SRGN: variants seen among roughly 807,000 people sequenced by gnomAD.
SRGN encodes serglycin, also known as hematopoetic proteoglycan core peptide.
In SRGN, 2 loss-of-function variants were observed where a neutral mutation model predicts 9.5. The observed-to-expected ratio is 0.21, with a 90% CI of 0.09 to 0.66. SRGN has a LOEUF of 0.66. SRGN is among the 30% of genes least tolerant of loss of function. The pLI is 0.83. For synonymous variants in SRGN, 59 were observed against 72.3 expected (o/e 0.82, Z 0.93); for missense variants, 170 against 192.4 (o/e 0.88, Z 0.69).
At chr10:69,094,383 GTGTTTAA>G (rs1228172091) in intron 1 of SRGN, among the ~76,000 whole-genome samples, 2 of 152,078 alleles carry the variant, frequency 1.3e-5, no homozygotes, top group Non-Finnish European at 2.9e-5. Flanking sequence ...CTATATTAAA[GTGTTTAA>G]TGTTTATGTT....
Position 69,104,331 on chromosome 10 carries a change from G to T in SRGN, c.*211G>T. ...TATTTTATTGTTCTTGAAAATACCT[G>T]CATTTTTTGGTATCATGTTCAACCA... is the stretch of plus-strand genomic sequence containing the variant. On this transcript the variant is annotated 3_prime_UTR_variant, in exon 3 of 3. Coordinates refer to ENST00000242465, the MANE Select transcript of SRGN (RefSeq NM_002727.4). 2.2e-6 allele frequency: 1 copy of T among 464,886 alleles called. No individual in the cohort carries two copies. The highest frequency in any genetic ancestry group is 3.4e-6 in the Non-Finnish European group (1 of 293,544). 28.8% of individuals were successfully genotyped at this position (464,886 alleles called of 1,614,324 possible).
At chr10:69,090,205 G>A (rs2132152023) in intron 1 of SRGN, among the ~76,000 whole-genome samples, 1 of 152,302 alleles carries the variant, frequency 6.6e-6, no homozygotes. Flanking sequence ...GAAGAGTCGT[G>A]ACACCATTTC....
chr10:69,088,267 T>C, intron 1 of SRGN, 31 bp downstream of exon 1: 3 of 1,571,636 alleles, frequency 1.9e-6, no homozygotes, highest in Non-Finnish European at 2.6e-6. Context: ...TCCCCAGCCA[T>C]CTTCTCTGTA....
chr10:69,102,328 A>G (rs75115665), intron 2 of SRGN, among the ~76,000 whole-genome samples: 3 of 152,114 alleles, frequency 2.0e-5, no homozygotes, highest in Non-Finnish European at 4.4e-5. Flanking sequence ...TCCCTATTAC[A>G]TTGGTCAATT....
At chr10:69,100,973 C>T (rs1265708759) in intron 2 of SRGN, among the ~76,000 whole-genome samples, 41 of 134,840 alleles carry the variant, frequency 3.0e-4, no homozygotes, top group Non-Finnish European at 4.4e-4. Flanking sequence ...GTATTTTTTT[C>T]TTTCTTTCTT....
chr10:69,102,942 T>C (rs983641717), intron 2 of SRGN, among the ~76,000 whole-genome samples: 15 of 151,916 alleles, frequency 9.9e-5, no homozygotes, highest in Admixed American at 9.2e-4. Flanking sequence ...TTGTCCTTTC[T>C]TTTTTTTGGT....
intron 1 of SRGN, among the ~76,000 whole-genome samples, chr10:69,093,476 C>T (rs1429567809): frequency 5.3e-5 from 8 of 152,188 alleles, no homozygotes; most frequent in African/African-American, 1.7e-4. Context: ...GAAGACACCG[C>T]CCTCTGCTGG....
chr10:69,097,444 T>TTTTTTTTTTA (rs1840199408), intron 2 of SRGN, among the ~76,000 whole-genome samples: 1 of 146,730 alleles, frequency 6.8e-6, no homozygotes, highest in Non-Finnish European at 1.5e-5. Flanking sequence ...TTTTTTTTTT[T>TTTTTTTTTTA]GAGACGGAGT....
chr10:69,093,454 A>G (rs772836605), intron 1 of SRGN, among the ~76,000 whole-genome samples: 1 of 152,232 alleles, frequency 6.6e-6, no homozygotes, highest in Non-Finnish European at 1.5e-5. Flanking sequence ...TGGTCTAGAC[A>G]GTACAAGGTG....
intron 1 of SRGN, among the ~76,000 whole-genome samples, chr10:69,091,879 CA>C (rs1177012248): frequency 8.7e-3 from 276 of 31,724 alleles, no homozygotes; most frequent in African/African-American, 0.051. Context: ...GACTCTGTCT[CA>C]AAAAAAAAAA....
intron 1 of SRGN, among the ~76,000 whole-genome samples, chr10:69,089,193 C>T (rs753401254): frequency 1.3e-5 from 2 of 152,150 alleles, no homozygotes; most frequent in Admixed American, 6.6e-5. Flanking sequence ...TACAGATGAT[C>T]GCAGAGACAT....
chr10:69,091,903 A>AAAAAAG (rs1417115801), intron 1 of SRGN, among the ~76,000 whole-genome samples: 1 of 92,144 alleles, frequency 1.1e-5, no homozygotes, highest in Non-Finnish European at 3.0e-5. Context: ...AAAAAAAAAA[A>AAAAAAG]AAAAAGAAAA....
chr10:69,100,990 T>TTCC (rs1783356016), intron 2 of SRGN, among the ~76,000 whole-genome samples: 1 of 149,240 alleles, frequency 6.7e-6, no homozygotes, highest in South Asian at 2.1e-4. Flanking sequence ...TCTTTCTTTT[T>TTCC]TTTTTTTTTT....
intron 1 of SRGN, among the ~76,000 whole-genome samples, chr10:69,088,562 A>T (rs749067231): frequency 6.6e-6 from 1 of 152,170 alleles, no homozygotes; most frequent in Non-Finnish European, 1.5e-5. Context: ...CATGGAGGAG[A>T]TGGCACCTTT....
chr10:69,088,251 T>A lies in SRGN; in HGVS notation c.79+15T>A. On this transcript the variant is annotated intron_variant, in intron 1 of 2. Transcript: ENST00000242465. Reference sequence around the variant, plus strand: ...CTCAGTTCAAGGTAAGACTCAGGAGTCTTGTTCCCCAGCCATCTTCTCTGT... The same window carrying A: ...CTCAGTTCAAGGTAAGACTCAGGAGACTTGTTCCCCAGCCATCTTCTCTGT... The A allele has an allele frequency of 6.2e-7, 1 of 1,610,310 alleles. No homozygotes were observed. The highest frequency in any genetic ancestry group is 8.5e-7 in the Non-Finnish European group (1 of 1,176,584).
At chr10:69,099,278 T>C (rs1840240024) in intron 2 of SRGN, among the ~76,000 whole-genome samples, 1 of 150,706 alleles carries the variant, frequency 6.6e-6, no homozygotes, top group Non-Finnish European at 1.5e-5. Flanking sequence ...ACATTTCACA[T>C]CACTTTGGGA....
intron 1 of SRGN, among the ~76,000 whole-genome samples, chr10:69,090,534 C>T (rs1258949816): frequency 6.6e-6 from 1 of 152,144 alleles, no homozygotes; most frequent in Admixed American, 6.5e-5. Context: ...CGCCTTCTCC[C>T]TTGTCTGCAC....
At chr10:69,088,326 G>A (rs1839981274) in intron 1 of SRGN, 90 bp downstream of exon 1, 6 of 1,114,592 alleles carry the variant, frequency 5.4e-6, no homozygotes, top group African/African-American at 1.6e-5. Context: ...GGCATAGAAT[G>A]TATAATATTG....
chr10:69,097,284 G>GTTATAT (rs1342280758), intron 2 of SRGN, 53 bp downstream of exon 2: 6 of 1,500,048 alleles, frequency 4.0e-6, no homozygotes, highest in Non-Finnish European at 1.8e-6. Context: ...ATTTGAGACG[G>GTTATAT]AGTTTCACTT....
Sources: gnomAD v4.1 joint callset for allele counts (sites outside exome capture counted in the v4.1 genomes callset) on GRCh38, gnomAD v4.1.1 for gene constraint, MANE v1.5 for transcripts, NCBI Gene and HGNC (gene_info 2026-07-23, HGNC 2026-07-21) for gene names.